GPHN: variants seen among roughly 807,000 people sequenced by gnomAD.
The protein encoded by GPHN is gephyrin.
GPHN carries 17 observed loss-of-function variants against 95.5 expected under a neutral mutation model. The observed-to-expected ratio is 0.18, with a 90% CI of 0.12 to 0.27. The LOEUF is 0.27. GPHN is among the 10% of genes least tolerant of loss of function. The pLI is 1.00. For synonymous variants in GPHN, 320 were observed against 322.5 expected (o/e 0.99, Z 0.08); for missense variants, 660 against 978.1 (o/e 0.67, Z 4.34).
the GPHN span, among the ~76,000 whole-genome samples, chr14:67,239,830 T>C: frequency 6.6e-6 from 1 of 152,178 alleles, no homozygotes; most frequent in South Asian, 2.1e-4. Flanking sequence ...TACTCCAGCC[T>C]GGGCAAAAGA....
chr14:66,994,955 A>C (rs2071685396), intron 9 of GPHN, among the ~76,000 whole-genome samples: 1 of 152,196 alleles, frequency 6.6e-6, no homozygotes, highest in Non-Finnish European at 1.5e-5. Context: ...AAATAAACAT[A>C]TATTGAGCAC....
In GPHN at chr14:66,723,986, TACACACACACAC is replaced by T. The variant is rs371629259; in HGVS notation, c.143+42825_143+42836del. The stretch of plus-strand genomic sequence containing the variant: ...ATCACAAATCTATGTCATGCATACA[TACACACACACAC>T]ACACACACACACACACACACACAAA... On this transcript the variant is annotated intron_variant, in intron 2 of 22. Coordinates refer to ENST00000478722, the MANE Select transcript of GPHN (RefSeq NM_020806.5). Among the ~76,000 whole-genome samples the T allele has an allele frequency of 2.3e-5, 3 of 127,860 alleles. No homozygotes were observed. The South Asian group carries it at 7.0e-4, about 30-fold the overall frequency. The allele number at this position is 127,860 out of a possible 152,430, so 83.9% of individuals were successfully genotyped here.
At chr14:67,443,050 G>C in the GPHN span, among the ~76,000 whole-genome samples, 6 of 151,784 alleles carry the variant, frequency 4.0e-5, no homozygotes, top group Non-Finnish European at 8.8e-5. Flanking sequence ...GTAAAACCCT[G>C]TCTCTGCAAA....
chr14:66,665,902 C>A (rs1430360593), intron 1 of GPHN, among the ~76,000 whole-genome samples: 1 of 152,152 alleles, frequency 6.6e-6, no homozygotes, highest in Non-Finnish European at 1.5e-5. Context: ...ACATGTACAT[C>A]ATGGAATACT....
chr14:67,624,368 G>A, the GPHN span, among the ~76,000 whole-genome samples: 504 of 152,308 alleles, frequency 3.3e-3, 1 homozygote, highest in Non-Finnish European at 5.8e-3. Flanking sequence ...GTCTGTTCTT[G>A]TACTTTTGTA....
chr14:66,868,280 CTG>C lies in GPHN; in HGVS notation c.295-11657_295-11656del, dbSNP rs368362876. 3.1e-3 allele frequency among the ~76,000 whole-genome samples: 470 copies of C among 152,266 alleles called. 11 individuals carry two copies. Among genetic ancestry groups the C allele is most frequent in the African/African-American group, 0.011 (445 of 41,556 alleles). On this transcript the variant is annotated intron_variant, in intron 4 of 22. Transcript: ENST00000478722. ...GTACTAATATATAAATTTGTCTGCT[CTG>C]TTAATAAAATCATGTCTATAAAAAT...
chr14:66,878,829 C>T (rs759512925), intron 4 of GPHN, among the ~76,000 whole-genome samples: 9 of 151,988 alleles, frequency 5.9e-5, no homozygotes, highest in African/African-American at 9.7e-5. Context: ...GGATCTAGAC[C>T]CAGAAATACC....
chr14:67,008,264 C>T (rs1012672141), intron 9 of GPHN, among the ~76,000 whole-genome samples: 10 of 151,808 alleles, frequency 6.6e-5, no homozygotes, highest in African/African-American at 2.2e-4. Flanking sequence ...CCAGCCTGAC[C>T]AACATGATGA....
the GPHN span, chr14:67,584,048 C>T: frequency 7.4e-6 from 12 of 1,613,826 alleles, no homozygotes; most frequent in African/African-American, 1.3e-5. Context: ...GGATGCTCCC[C>T]TCCTGAGTGC....
At chr14:67,065,757 CTTT>C (rs201638278) in intron 11 of GPHN, among the ~76,000 whole-genome samples, 9 of 128,480 alleles carry the variant, frequency 7.0e-5, no homozygotes, top group Non-Finnish European at 4.9e-5. Flanking sequence ...GCAACCCCTG[CTTT>C]TTTTTTTTTT....
the GPHN span, chr14:67,656,701 C>T: frequency 3.3e-5 from 41 of 1,225,470 alleles, no homozygotes; most frequent in Middle Eastern, 2.1e-4. Flanking sequence ...CAATAATTTT[C>T]ATTCCTTTTA....
intron 3 of GPHN, among the ~76,000 whole-genome samples, chr14:66,820,818 G>A (rs2061161943): frequency 6.6e-6 from 1 of 152,118 alleles, no homozygotes; most frequent in Admixed American, 6.5e-5. Flanking sequence ...GTTGTTGCTT[G>A]TGGAGGTTTT....
downstream of GPHN, among the ~76,000 whole-genome samples, chr14:67,183,361 G>A (rs1167605788): frequency 2.6e-5 from 4 of 152,078 alleles, no homozygotes; most frequent in African/African-American, 9.7e-5. Context: ...AGAACTTACT[G>A]TAGGCCAGGC....
At chr14:66,701,195 A>T (rs1171464126) in intron 2 of GPHN, among the ~76,000 whole-genome samples, 6 of 152,244 alleles carry the variant, frequency 3.9e-5, no homozygotes, top group Non-Finnish European at 4.4e-5. Context: ...TGCAATATGT[A>T]CATATTACAC....
the GPHN span, chr14:67,579,425 A>G: frequency 4.0e-5 from 35 of 868,846 alleles, no homozygotes; most frequent in East Asian, 9.8e-4. Context: ...CCAGAAGTAG[A>G]TATTATGAAC....
the GPHN span, among the ~76,000 whole-genome samples, chr14:67,243,749 C>T: frequency 6.6e-6 from 1 of 150,658 alleles, no homozygotes; most frequent in African/African-American, 2.4e-5. Context: ...GCCCGCCTCG[C>T]CCTCCCAAAG....
chr14:67,576,502 A>T, the GPHN span: 3 of 1,502,858 alleles, frequency 2.0e-6, no homozygotes, highest in African/African-American at 1.4e-5. The surrounding 1 kb of genome is among the most constrained non-coding windows in gnomAD (Gnocchi z 4.0). Flanking sequence ...AAGGAGATCC[A>T]GGTAAGGCAA....
chr14:66,848,945 AATT>A (rs1383266155), intron 4 of GPHN, among the ~76,000 whole-genome samples: 3 of 151,920 alleles, frequency 2.0e-5, no homozygotes, highest in Admixed American at 6.6e-5. Flanking sequence ...ATATCATCCC[AATT>A]ATTATAATAA....
chr14:67,383,518 C>T, the GPHN span: 5 of 1,579,522 alleles, frequency 3.2e-6, no homozygotes, highest in Non-Finnish European at 4.3e-6. Flanking sequence ...TGAAAGTTTT[C>T]CAGTATTGAA....
Sources: allele counts gnomAD v4.1 joint callset (sites outside exome capture counted in the v4.1 genomes callset), GRCh38; gene constraint gnomAD v4.1.1; non-coding constraint Gnocchi (gnomAD v3.1); transcripts MANE v1.5; gene names NCBI Gene and HGNC (gene_info 2026-07-23, HGNC 2026-07-21).